Variants in AKAP13 observed in about 807,000 individuals in gnomAD.
The protein encoded by AKAP13 is A-kinase anchoring protein 13.
AKAP13 carries 80 observed loss-of-function variants against 264.5 expected under a neutral mutation model. The observed-to-expected ratio is 0.30, with a 90% CI of 0.25 to 0.36. The LOEUF (loss-of-function observed/expected upper bound fraction) is 0.36. Among genes scored for constraint, AKAP13 ranks in the 10% least tolerant of loss-of-function variants. The pLI, the probability that AKAP13 is intolerant of heterozygous loss-of-function variation, is 1.00. For synonymous variants in AKAP13, 1,380 were observed against 1,250.2 expected, an observed-to-expected ratio of 1.10 and a Z score of -2.19; for missense variants, 3,712 against 3,435.2, an observed-to-expected ratio of 1.08 and a Z score of -2.01.
chr15:85,497,406 A>T (rs935216390), intron 2 of AKAP13, among the ~76,000 whole-genome samples: 4 of 152,172 alleles, frequency 2.6e-5, no homozygotes, highest in African/African-American at 4.8e-5. Context: ...GGCAGATGTA[A>T]TTGGGAAGCT....
chr15:85,706,299 C>T (rs565762473), intron 17 of AKAP13, among the ~76,000 whole-genome samples: 1 of 152,194 alleles, frequency 6.6e-6, no homozygotes, highest in East Asian at 1.9e-4. Flanking sequence ...AAGAATAGTG[C>T]TCGTGAGGAT....
At chr15:85,522,925 C>T (rs1202048671) in intron 3 of AKAP13, among the ~76,000 whole-genome samples, 22 of 120,478 alleles carry the variant, frequency 1.8e-4, no homozygotes, top group African/African-American at 6.4e-4. Flanking sequence ...CACCCCCACC[C>T]ACACCCCCTC....
At chr15:85,675,862 C>A (rs1036875172) in intron 14 of AKAP13, among the ~76,000 whole-genome samples, 2 of 151,958 alleles carry the variant, frequency 1.3e-5, no homozygotes, top group Non-Finnish European at 2.9e-5. Flanking sequence ...GATTAGAACA[C>A]TTCAGGCTGA....
At chr15:85,461,610 T>G (rs966845028) in intron 1 of AKAP13, among the ~76,000 whole-genome samples, 2 of 152,082 alleles carry the variant, frequency 1.3e-5, no homozygotes, top group Non-Finnish European at 2.9e-5. Flanking sequence ...TGGTGTGTTT[T>G]TTTTTGTTGT....
At chr15:85,521,048 T>C (rs778201861) in intron 2 of AKAP13, among the ~76,000 whole-genome samples, 1 of 152,210 alleles carries the variant, frequency 6.6e-6, no homozygotes, top group Non-Finnish European at 1.5e-5. Context: ...ATGTGATCAT[T>C]TATTATACCC....
intron 16 of AKAP13, chr15:85,691,961 T>C: frequency 4.4e-6 from 2 of 450,674 alleles, no homozygotes; most frequent in South Asian, 1.6e-5. Context: ...GGTAGAGGAG[T>C]GAGCTACTAA....
chr15:85,526,590 C>G (rs184868873), intron 3 of AKAP13, among the ~76,000 whole-genome samples: 137 of 152,214 alleles, frequency 9.0e-4, no homozygotes, highest in Non-Finnish European at 1.6e-3. Flanking sequence ...TCTCGTCAAC[C>G]AAGAATTACT....
chr15:85,425,717 A>G (rs74349494), intron 1 of AKAP13, among the ~76,000 whole-genome samples: 16 of 144,148 alleles, frequency 1.1e-4, no homozygotes, highest in Admixed American at 2.1e-4. Flanking sequence ...CTCTGTCTCA[A>G]AAAAAAAAAA....
In AKAP13 at chr15:85,749,101, T is replaced by C. The variant is rs980523563; in HGVS notation, c.*4424T>C. On this transcript the variant is annotated 3_prime_UTR_variant, in exon 37 of 37. Transcript: ENST00000394518. ...GCTCTCATTGCTTGTTTGCAAATGCTCTATGGACATTTGTGTGCTAAATCC... is the reference window on the plus strand; with the variant it reads ...GCTCTCATTGCTTGTTTGCAAATGCCCTATGGACATTTGTGTGCTAAATCC... 2.0e-5 allele frequency: 3 copies of C among 152,268 alleles called. No individual in the cohort carries two copies. Among genetic ancestry groups the C allele is most frequent in the Non-Finnish European group, 1.5e-5 (1 of 68,046 alleles). The allele number at this position is 152,268 out of a possible 1,614,324, so 9.4% of individuals were successfully genotyped here. A position where few individuals can be genotyped will look rare whatever the true frequency, so the allele number is the denominator to read the frequency against.
At chr15:85,494,762 T>G (rs900573) in intron 2 of AKAP13, among the ~76,000 whole-genome samples, 77,521 of 152,016 alleles carry the variant, frequency 0.51, 20,311 homozygotes, top group Middle Eastern at 0.61. Flanking sequence ...AATTAGCTTA[T>G]CTGGTGTACA....
At chr15:85,634,148 A>G (rs1258727303) in intron 8 of AKAP13, among the ~76,000 whole-genome samples, 2 of 152,136 alleles carry the variant, frequency 1.3e-5, no homozygotes, top group Non-Finnish European at 2.9e-5. Flanking sequence ...CAAATGATAA[A>G]GTGTTTTGTT....
intron 8 of AKAP13, among the ~76,000 whole-genome samples, chr15:85,594,213 C>T (rs542537363): frequency 3.3e-5 from 5 of 152,244 alleles, no homozygotes; most frequent in Non-Finnish European, 5.9e-5. Flanking sequence ...ATGTTTACTG[C>T]AAGGGTGTAC....
At chr15:85,702,635 A>T (rs2086000627) in intron 17 of AKAP13, 2 of 152,208 alleles carry the variant, frequency 1.3e-5, no homozygotes, top group Admixed American at 1.3e-4. Context: ...TCATACCCTC[A>T]GCACTGCATA....
At chr15:85,515,247 A>G (rs2076562287) in intron 2 of AKAP13, among the ~76,000 whole-genome samples, 1 of 139,152 alleles carries the variant, frequency 7.2e-6, no homozygotes, top group Admixed American at 7.2e-5. Flanking sequence ...AGCTGTAAGG[A>G]TAGAACAGAT....
chr15:85,667,749 C>T (rs910860039), intron 13 of AKAP13, among the ~76,000 whole-genome samples: 1 of 152,172 alleles, frequency 6.6e-6, no homozygotes, highest in Non-Finnish European at 1.5e-5. Context: ...ATTAATTTCT[C>T]TGCTTTTTTC....
intron 33 of AKAP13, 109 bp from the exon 34 acceptor site, chr15:85,740,113 C>T (rs1197934894): frequency 9.3e-7 from 1 of 1,080,736 alleles, no homozygotes; most frequent in East Asian, 2.5e-5. Context: ...AAGATATAAG[C>T]ATTTAGTTGT....
chr15:85,543,947 T>A lies in AKAP13; in HGVS notation c.654T>A (p.Leu218=). 1 of 1,612,104 alleles carries A rather than the reference T, an allele frequency of 6.2e-7. No homozygotes were observed. Residue 218 remains leucine (L), a synonymous_variant, in exon 5 of 37, where the codon CTT becomes CTA. Coordinates refer to ENST00000394518, the MANE Select transcript of AKAP13 (RefSeq NM_007200.5). The stretch of plus-strand genomic sequence containing the variant: ...GAGGCTATCACAAGCTGCACCAGCT[T>A]CTAACCGAGTAAGTGCTCCTTCTGC... ...LERGYHKLHQ[L]LTEENAGEPD...
intron 16 of AKAP13, among the ~76,000 whole-genome samples, chr15:85,692,581 ATTC>A (rs982310201): frequency 4.6e-5 from 7 of 152,142 alleles, no homozygotes; most frequent in African/African-American, 1.7e-4. Context: ...CATCGTCCGT[ATTC>A]TTAACCACTG....
rs772904080 is a variant in AKAP13, at chr15:85,664,572, A to G, written c.4809A>G (p.Leu1603=). 11 of 1,611,764 alleles carry G rather than the reference A, an allele frequency of 6.8e-6. No individual in the cohort carries two copies. The highest frequency in any genetic ancestry group is 5.3e-5 in the African/African-American group (4 of 74,876). Residue 1603 remains leucine, a synonymous_variant, in exon 13 of 37, where the codon CTA becomes CTG. Coordinates refer to ENST00000394518, the MANE Select transcript of AKAP13 (RefSeq NM_007200.5). ...TGTGCCCTATGTTCAGTTTCAGTCT[A>G]GAAGGCTTGACAGGAGGAGCTGGTG... ...RPPIHRRSFS[L]EGLTGGAGVG...
Sources: allele counts gnomAD v4.1 joint callset (sites outside exome capture counted in the v4.1 genomes callset), GRCh38; gene constraint gnomAD v4.1.1; transcripts MANE v1.5; gene names NCBI Gene and HGNC (gene_info 2026-07-23, HGNC 2026-07-21).